The following BACH2 variants were observed in gnomAD, a reference collection of about 807,000 sequenced individuals.
BACH2 encodes the protein BACH transcriptional regulator 2, also known as transcription regulator protein BACH2.
In BACH2, 5 loss-of-function variants were observed where a neutral mutation model predicts 61.8. The observed-to-expected ratio is 0.08, with a 90% CI of 0.04 to 0.17. The LOEUF (loss-of-function observed/expected upper bound fraction) is 0.17. Among genes scored for constraint, BACH2 ranks in the 10% least tolerant of loss-of-function variants. BACH2 has a pLI of 1.00. For synonymous variants in BACH2, 446 were observed against 440.1 expected (o/e 1.01, Z -0.17); for missense variants, 824 against 1,091.1 (o/e 0.76, Z 3.45).
At chr6:90,000,425 A>C (rs1777074656) in intron 6 of BACH2, among the ~76,000 whole-genome samples, 1 of 152,192 alleles carries the variant, frequency 6.6e-6, no homozygotes, top group African/African-American at 2.4e-5. Flanking sequence ...GCCAAGTCTT[A>C]CTAACGCAAC....
chr6:90,036,060 C>A (rs1490828999), intron 5 of BACH2, among the ~76,000 whole-genome samples: 1 of 151,764 alleles, frequency 6.6e-6, no homozygotes, highest in Non-Finnish European at 1.5e-5. Context: ...TAAGAGAACA[C>A]CATAGAACTG....
chr6:90,176,180 T>G (rs1379448449), intron 4 of BACH2, among the ~76,000 whole-genome samples: 1 of 152,212 alleles, frequency 6.6e-6, no homozygotes, highest in African/African-American at 2.4e-5. Context: ...TCCCCTTCAG[T>G]GGCTGTACTG....
At chr6:90,229,607 A>G (rs372361016) in intron 3 of BACH2, among the ~76,000 whole-genome samples, 8 of 152,366 alleles carry the variant, frequency 5.3e-5, no homozygotes, top group Admixed American at 4.6e-4. Context: ...ATGAGGAAAA[A>G]GCACGATAAC....
chr6:89,967,695 G>A (rs1248561752), intron 6 of BACH2, among the ~76,000 whole-genome samples: 2 of 152,206 alleles, frequency 1.3e-5, no homozygotes, highest in Admixed American at 6.5e-5. Flanking sequence ...CAGGGCTTAA[G>A]AATCTCTAGG....
intron 5 of BACH2, among the ~76,000 whole-genome samples, chr6:90,015,363 T>C (rs1199128907): frequency 6.6e-6 from 1 of 152,160 alleles, no homozygotes; most frequent in Admixed American, 6.5e-5. Flanking sequence ...CCTAAGGTGG[T>C]AGTTGAGCCC....
Position 90,008,886 on chromosome 6 carries a change from A to C in BACH2, c.-12-30T>G. The C allele has an allele frequency of 6.2e-7, 1 of 1,607,424 alleles. No homozygotes were observed. The highest frequency in any genetic ancestry group is 8.5e-7 in the Non-Finnish European group (1 of 1,175,962). ...AAGAAAGAAAGAAACAAAGAAAGAA[A>C]GAAAGAAAGGCTGAGTCACCACAGC... On this transcript the variant is annotated intron_variant, in intron 5 of 8. Transcript: ENST00000257749. This position sits in a 1 kb window ranked among gnomAD's most constrained non-coding sequence, Gnocchi z 4.1.
At chr6:90,191,148 A>C (rs947197877) in intron 4 of BACH2, among the ~76,000 whole-genome samples, 1 of 152,212 alleles carries the variant, frequency 6.6e-6, no homozygotes, top group African/African-American at 2.4e-5. Context: ...TTGCTTCTGT[A>C]AATCAGTAAG....
intron 4 of BACH2, among the ~76,000 whole-genome samples, chr6:90,186,671 T>C (rs920414025): frequency 2.0e-5 from 3 of 152,224 alleles, no homozygotes; most frequent in African/African-American, 7.2e-5. Context: ...TCGGTCCTCA[T>C]GCCCCTCCCC....
At chr6:90,009,923 C>T (rs1384090646) in intron 5 of BACH2, among the ~76,000 whole-genome samples, 1 of 152,234 alleles carries the variant, frequency 6.6e-6, no homozygotes, top group African/African-American at 2.4e-5. Context: ...CCTCGGCCTC[C>T]CAAAGTGCTG....
At chr6:90,266,914 T>A (rs1771352044) in intron 2 of BACH2, among the ~76,000 whole-genome samples, 1 of 152,140 alleles carries the variant, frequency 6.6e-6, no homozygotes, top group Non-Finnish European at 1.5e-5. Flanking sequence ...TGAACTTACC[T>A]CAATTTTTTA....
chr6:90,000,655 T>C (rs185574925), intron 6 of BACH2, among the ~76,000 whole-genome samples: 114 of 152,346 alleles, frequency 7.5e-4, no homozygotes, highest in African/African-American at 2.5e-3. Context: ...CATATTGAAA[T>C]TGAGGTCATT....
At chr6:90,259,726 A>G (rs1198014267) in intron 2 of BACH2, among the ~76,000 whole-genome samples, 2 of 151,950 alleles carry the variant, frequency 1.3e-5, no homozygotes, top group Non-Finnish European at 2.9e-5. Flanking sequence ...GAGGTTTTTC[A>G]TTACTTCTCC....
intron 6 of BACH2, among the ~76,000 whole-genome samples, chr6:89,989,834 G>A (rs1776445433): frequency 6.6e-6 from 1 of 152,186 alleles, no homozygotes; most frequent in Non-Finnish European, 1.5e-5. Context: ...GAGAGCAGAA[G>A]AGGCAATGGA....
At chr6:89,971,958 C>T (rs1022922917) in intron 6 of BACH2, among the ~76,000 whole-genome samples, 2 of 152,140 alleles carry the variant, frequency 1.3e-5, no homozygotes, top group South Asian at 2.1e-4. Context: ...CAGCTGCTGG[C>T]GGAAGGGCAT....
At chr6:90,249,812 G>T (rs1209157581) in intron 3 of BACH2, among the ~76,000 whole-genome samples, 1 of 152,080 alleles carries the variant, frequency 6.6e-6, no homozygotes, top group Non-Finnish European at 1.5e-5. Flanking sequence ...ACAACAAAAA[G>T]CAACACTAAG....
chr6:90,208,641 G>A (rs1282350359), intron 3 of BACH2, among the ~76,000 whole-genome samples: 10 of 152,192 alleles, frequency 6.6e-5, no homozygotes, highest in South Asian at 4.1e-4. Context: ...GGAAGACAGC[G>A]TGGTGATTCC....
At chr6:90,149,214 A>G (rs1008513624) in intron 4 of BACH2, among the ~76,000 whole-genome samples, 1 of 152,208 alleles carries the variant, frequency 6.6e-6, no homozygotes, top group African/African-American at 2.4e-5. Flanking sequence ...AGGACAACAG[A>G]GATATGATAA....
chr6:90,207,307 T>G (rs772999216), intron 3 of BACH2, among the ~76,000 whole-genome samples: 1 of 152,040 alleles, frequency 6.6e-6, no homozygotes, highest in African/African-American at 2.4e-5. Flanking sequence ...TTTGAAGAGA[T>G]AGGGTTTTGC....
At chr6:90,076,790 C>T (rs1273574689) in intron 5 of BACH2, among the ~76,000 whole-genome samples, 1 of 152,172 alleles carries the variant, frequency 6.6e-6, no homozygotes, top group Non-Finnish European at 1.5e-5. Context: ...TCACCTTCCT[C>T]CGTGCCCTTC....
Sources: allele counts gnomAD v4.1 joint callset (sites outside exome capture counted in the v4.1 genomes callset), GRCh38; gene constraint gnomAD v4.1.1; non-coding constraint Gnocchi (gnomAD v3.1); transcripts MANE v1.5; gene names NCBI Gene and HGNC (gene_info 2026-07-23, HGNC 2026-07-21).